Variants in THADA observed in about 807,000 individuals in gnomAD.
THADA encodes the protein tRNA (32-2'-O)-methyltransferase regulator THADA.
A neutral mutation model predicts 219.8 loss-of-function variants in THADA; 213 were observed. That is an observed-to-expected ratio of 0.97 (90% CI 0.87 to 1.09). THADA has a LOEUF of 1.09. THADA is among the 50% of genes least tolerant of loss of function. The pLI is 0.00. For synonymous variants in THADA, 1,018 were observed against 828.9 expected, an observed-to-expected ratio of 1.23 and a Z score of -3.92; for missense variants, 2,956 against 2,311.3, an observed-to-expected ratio of 1.28 and a Z score of -5.72.
At chr2:43,346,140 T>C (rs945299095) in intron 29 of THADA, among the ~76,000 whole-genome samples, 4 of 151,074 alleles carry the variant, frequency 2.6e-5, no homozygotes, top group Non-Finnish European at 5.9e-5. Flanking sequence ...AGAGAAGTCA[T>C]GGAAAAAAAT....
At chr2:43,328,826 T>G (rs1185333888) in intron 30 of THADA, among the ~76,000 whole-genome samples, 1 of 152,212 alleles carries the variant, frequency 6.6e-6, no homozygotes, top group African/African-American at 2.4e-5. Flanking sequence ...CCCTTAGGAT[T>G]GCTGCTGCTG....
chr2:43,581,997 G>T, intron 7 of THADA, 69 bp from the exon 8 acceptor site: 1 of 1,197,172 alleles, frequency 8.4e-7, no homozygotes, highest in Non-Finnish European at 1.1e-6. Flanking sequence ...CTAATTATCA[G>T]CAAAATAAAT....
chr2:43,399,475 T>C (rs973412778), intron 28 of THADA, among the ~76,000 whole-genome samples: 1 of 152,202 alleles, frequency 6.6e-6, no homozygotes, highest in Admixed American at 6.5e-5. Context: ...GAAATACAGA[T>C]ACAATTTCTG....
intron 1 of THADA, among the ~76,000 whole-genome samples, chr2:43,594,260 G>C (rs1701905990): frequency 6.6e-6 from 1 of 152,034 alleles, no homozygotes. Context: ...AACTTTCCAA[G>C]GGTTTCTAAA....
At chr2:43,379,887 A>G (rs935418335) in intron 29 of THADA, among the ~76,000 whole-genome samples, 2 of 152,264 alleles carry the variant, frequency 1.3e-5, no homozygotes, top group African/African-American at 4.8e-5. Context: ...TTCAATATGG[A>G]TGAATATTAA....
At chr2:43,367,312 G>T (rs1189730286) in intron 29 of THADA, among the ~76,000 whole-genome samples, 1 of 152,088 alleles carries the variant, frequency 6.6e-6, no homozygotes, top group Non-Finnish European at 1.5e-5. Flanking sequence ...AAATGGTTAA[G>T]ATAGTAAATT....
intron 31 of THADA, among the ~76,000 whole-genome samples, chr2:43,296,438 G>A (rs1675394384): frequency 1.3e-5 from 2 of 151,816 alleles, no homozygotes; most frequent in Non-Finnish European, 2.9e-5. Flanking sequence ...ACCACACCCA[G>A]CTAATTTTTG....
At chr2:43,381,601 G>A (rs1428098742) in intron 29 of THADA, among the ~76,000 whole-genome samples, 2 of 143,784 alleles carry the variant, frequency 1.4e-5, no homozygotes, top group African/African-American at 2.6e-5. Context: ...TTTTTTTTCC[G>A]ACGGAGTCTC....
chr2:43,286,880 C>G, intron 35 of THADA, 28 bp downstream of exon 35: 1 of 1,596,732 alleles, frequency 6.3e-7, no homozygotes, highest in East Asian at 2.3e-5. Flanking sequence ...GAGTTTGGTA[C>G]AACAGACTTC....
At chr2:43,347,700 T>C (rs1200695905) in intron 29 of THADA, among the ~76,000 whole-genome samples, 1 of 152,146 alleles carries the variant, frequency 6.6e-6, no homozygotes, top group Non-Finnish European at 1.5e-5. Context: ...CAGTTCAATT[T>C]TTCCCTAAAT....
At chr2:43,512,306 G>A (rs1363593159) in intron 22 of THADA, among the ~76,000 whole-genome samples, 3 of 152,142 alleles carry the variant, frequency 2.0e-5, no homozygotes. Context: ...GGTTTCCAGT[G>A]TGAACTCTAC....
chr2:43,456,260 C>T (rs558128791), intron 26 of THADA, among the ~76,000 whole-genome samples: 13 of 152,274 alleles, frequency 8.5e-5, no homozygotes, highest in Non-Finnish European at 1.6e-4. Context: ...TCCACATAAA[C>T]TAAGGCAGTT....
At chr2:43,485,360 T>A in intron 25 of THADA, 35 bp from the exon 26 acceptor site, 2 of 1,493,858 alleles carry the variant, frequency 1.3e-6, no homozygotes, top group Non-Finnish European at 1.9e-6. Flanking sequence ...AAGGCTTAAA[T>A]ATTCTTGGCA....
chr2:43,512,252 C>A (rs1690571832), intron 22 of THADA, among the ~76,000 whole-genome samples: 1 of 152,116 alleles, frequency 6.6e-6, no homozygotes, highest in African/African-American at 2.4e-5. Context: ...CTCTGGAATT[C>A]CCCAGCATCA....
chr2:43,358,990 A>G (rs1311679678), intron 29 of THADA, among the ~76,000 whole-genome samples: 1 of 152,110 alleles, frequency 6.6e-6, no homozygotes, highest in Non-Finnish European at 1.5e-5. Context: ...AGGAATGGAG[A>G]TTTGGGTGGT....
At chr2:43,235,951 C>T (rs574970207) in intron 36 of THADA, among the ~76,000 whole-genome samples, 1 of 152,228 alleles carries the variant, frequency 6.6e-6, no homozygotes, top group Non-Finnish European at 1.5e-5. Context: ...GGATTACAGG[C>T]ACCCGCCACC....
intron 26 of THADA, among the ~76,000 whole-genome samples, chr2:43,446,091 T>C (rs1245890043): frequency 6.6e-6 from 1 of 152,232 alleles, no homozygotes; most frequent in Non-Finnish European, 1.5e-5. Flanking sequence ...GTGTGCAAGG[T>C]CCCATTTGGG....
intron 24 of THADA, among the ~76,000 whole-genome samples, chr2:43,502,945 T>C (rs947987560): frequency 6.6e-6 from 1 of 152,180 alleles, no homozygotes; most frequent in African/African-American, 2.4e-5. Context: ...CTTTCATATA[T>C]AAACCAAAAG....
intron 26 of THADA, among the ~76,000 whole-genome samples, chr2:43,481,044 G>T (rs556632902): frequency 6.6e-6 from 1 of 152,146 alleles, no homozygotes; most frequent in Non-Finnish European, 1.5e-5. Flanking sequence ...AAACAATAGC[G>T]TGGGTAACCA....
Sources: allele counts gnomAD v4.1 joint callset (sites outside exome capture counted in the v4.1 genomes callset), GRCh38; gene constraint gnomAD v4.1.1; transcripts MANE v1.5; gene names NCBI Gene and HGNC (gene_info 2026-07-23, HGNC 2026-07-21).